Variants in FER1L6 observed in about 807,000 individuals in gnomAD.
The protein encoded by FER1L6 is fer-1-like protein 6.
Under a neutral mutation model 219.2 loss-of-function variants are expected in FER1L6, and 177 were observed. The ratio of observed to expected loss-of-function variants is 0.81; its 90% CI spans 0.71 to 0.91. FER1L6 has a LOEUF of 0.91. Ranked by LOEUF, FER1L6 falls within the 40% of genes least tolerant of loss-of-function variation. The pLI, the probability that FER1L6 is intolerant of heterozygous loss-of-function variation, is 0.00. For missense variants in FER1L6, 2,153 were observed against 2,259.9 expected (o/e 0.95, Z 0.96); for synonymous variants, 768 against 824.3 (o/e 0.93, Z 1.17).
At chr8:124,038,148 C>T (rs1819300891) in intron 19 of FER1L6, among the ~76,000 whole-genome samples, 1 of 152,136 alleles carries the variant, frequency 6.6e-6, no homozygotes, top group African/African-American at 2.4e-5. Context: ...ACATTCTTGC[C>T]CCATGTGGCC....
chr8:123,995,305 G>T (rs1817076651), intron 12 of FER1L6, among the ~76,000 whole-genome samples: 1 of 152,182 alleles, frequency 6.6e-6, no homozygotes, highest in Non-Finnish European at 1.5e-5. Flanking sequence ...TGGGGTCCTG[G>T]ACTTTTCTTT....
At chr8:123,871,737 A>C (rs1426649728) in intron 1 of FER1L6, among the ~76,000 whole-genome samples, 1 of 152,176 alleles carries the variant, frequency 6.6e-6, no homozygotes, top group African/African-American at 2.4e-5. Flanking sequence ...GCTTTCATTT[A>C]ATGAGTACAG....
intron 6 of FER1L6, among the ~76,000 whole-genome samples, chr8:123,971,846 G>A (rs1315406630): frequency 6.6e-6 from 1 of 152,164 alleles, no homozygotes; most frequent in African/African-American, 2.4e-5. Flanking sequence ...GGCATGCAGG[G>A]CTCCCAGTAC....
At chr8:123,969,406 A>T (rs1815695336) in intron 5 of FER1L6, among the ~76,000 whole-genome samples, 1 of 152,130 alleles carries the variant, frequency 6.6e-6, no homozygotes, top group South Asian at 2.1e-4. Context: ...ACCATACTGA[A>T]GTACCATTTT....
intron 6 of FER1L6, among the ~76,000 whole-genome samples, chr8:123,972,287 T>C (rs984655647): frequency 6.6e-6 from 1 of 152,250 alleles, no homozygotes; most frequent in Non-Finnish European, 1.5e-5. Context: ...AAAAAGGAGC[T>C]GTTTAGAAGC....
At chr8:123,876,149 C>T (rs1817001153) in intron 1 of FER1L6, among the ~76,000 whole-genome samples, 1 of 152,174 alleles carries the variant, frequency 6.6e-6, no homozygotes, top group South Asian at 2.1e-4. Flanking sequence ...TGCCACCCTT[C>T]CCTCTCTTTC....
intron 1 of FER1L6, among the ~76,000 whole-genome samples, chr8:123,920,396 T>C (rs140028107): frequency 6.6e-6 from 1 of 152,336 alleles, no homozygotes; most frequent in African/African-American, 2.4e-5. Flanking sequence ...CTGAGGGTCA[T>C]AGTCCAGGCC....
chr8:124,019,623 C>T (rs6982271), intron 16 of FER1L6, among the ~76,000 whole-genome samples: 3,620 of 152,272 alleles, frequency 0.024, 138 homozygotes, highest in African/African-American at 0.081. Context: ...TGAGGAATTT[C>T]TAGATTGAGT....
In FER1L6 at chr8:124,097,345, A is replaced by G. The variant is rs1221667788; in HGVS notation, c.4770A>G (p.Pro1590=). The part of the protein sequence containing the change: ...PQPGPPVDIS[P]RRPKGYELRV... ...CTGGACCTCCTGTTGACATCTCTCC[A>G]AGGCGACCCAAAGGGTATGTCAGCT... The change falls in exon 36 of 41, where the codon CCA becomes CCG. Residue 1590 remains proline (P), a synonymous_variant. Coordinates refer to ENST00000522917, the MANE Select transcript of FER1L6 (RefSeq NM_001039112.2). 6.2e-7 allele frequency: 1 copy of G among 1,612,486 alleles called. No individual in the cohort carries two copies. The highest frequency in any genetic ancestry group is 8.5e-7 in the Non-Finnish European group (1 of 1,178,910).
chr8:124,111,288 A>G lies in FER1L6; in HGVS notation c.5290-7556A>G, dbSNP rs1047546697. ...CCCTTACACCTCCTAAAGGGAAAATAAGAATTGACTTCATCTTCATGCATA... is the reference window on the plus strand; with the variant it reads ...CCCTTACACCTCCTAAAGGGAAAATGAGAATTGACTTCATCTTCATGCATA... On this transcript the variant is annotated intron_variant, in intron 39 of 40. Coordinates refer to ENST00000522917, the MANE Select transcript of FER1L6 (RefSeq NM_001039112.2). The surrounding 1 kb of genome is among the most constrained non-coding windows in gnomAD (Gnocchi z 5.0). Among the ~76,000 whole-genome samples the G allele has an allele frequency of 6.6e-6, 1 of 152,216 alleles. No homozygotes were observed. The highest frequency in any genetic ancestry group is 2.4e-5 in the African/African-American group (1 of 41,462).
Position 124,082,450 on chromosome 8 carries a change from G to A in FER1L6, c.4383G>A (p.Gln1461=), listed in dbSNP as rs779774462. The A allele has an allele frequency of 8.7e-6, 14 of 1,613,452 alleles. No homozygotes were observed. Among genetic ancestry groups the A allele is most frequent in the Non-Finnish European group, 1.2e-5 (14 of 1,179,734 alleles). ...KHRAICGLQS[Q]YEIEGYNAWR... ...GAGCCATCTGTGGCTTGCAGAGCCA[G>A]TATGAGATGTAAGTTCTTTCTCCCC... The change falls in exon 33 of 41, where the codon CAG becomes CAA. Residue 1461 remains glutamine (Q), a synonymous_variant. Coordinates refer to ENST00000522917, the MANE Select transcript of FER1L6 (RefSeq NM_001039112.2).
intron 18 of FER1L6, among the ~76,000 whole-genome samples, chr8:124,032,762 A>G (rs1167045523): frequency 6.6e-6 from 1 of 152,180 alleles, no homozygotes; most frequent in African/African-American, 2.4e-5. Flanking sequence ...AGGGGGATAA[A>G]AAGAAAAGAA....
Position 123,996,776 on chromosome 8 carries a change from G to C in FER1L6, c.1520-6391G>C, listed in dbSNP as rs188169099. On this transcript the variant is annotated intron_variant, in intron 12 of 40. Coordinates refer to ENST00000522917, the MANE Select transcript of FER1L6 (RefSeq NM_001039112.2). ...TTTAATTTCTTGCTTTTAATTTTTT[G>C]TGCATCTGTTGTATGTTTTTTGATT... Among the ~76,000 whole-genome samples the C allele has an allele frequency of 5.1e-3, 781 of 151,708 alleles. 1 individual carries two copies. The highest frequency in any genetic ancestry group is 0.01 in the Middle Eastern group (3 of 294).
chr8:123,997,295 A>C (rs1034989375), intron 12 of FER1L6, among the ~76,000 whole-genome samples: 5 of 152,118 alleles, frequency 3.3e-5, no homozygotes, highest in African/African-American at 1.2e-4. Context: ...TCTAGGATAA[A>C]AGGGTTTTTG....
chr8:123,865,482 A>G (rs1422905396), intron 1 of FER1L6, among the ~76,000 whole-genome samples: 35 of 149,878 alleles, frequency 2.3e-4, no homozygotes, highest in African/African-American at 5.3e-4. Flanking sequence ...AGGCATGCAG[A>G]CCTCCTTGAG....
chr8:124,113,332 T>C (rs1823097115), intron 39 of FER1L6, among the ~76,000 whole-genome samples: 1 of 152,198 alleles, frequency 6.6e-6, no homozygotes, highest in African/African-American at 2.4e-5. Context: ...ATATATGAAG[T>C]ATATTTGAGT....
At chr8:123,908,080 T>A (rs1812985757) in intron 1 of FER1L6, among the ~76,000 whole-genome samples, 1 of 152,134 alleles carries the variant, frequency 6.6e-6, no homozygotes, top group Non-Finnish European at 1.5e-5. Context: ...AACTGTTAGA[T>A]GCTTGAAAAA....
chr8:123,862,426 T>G (rs1250345689), intron 1 of FER1L6, among the ~76,000 whole-genome samples: 1 of 140,380 alleles, frequency 7.1e-6, no homozygotes, highest in Non-Finnish European at 1.5e-5. Context: ...TCAAGGATAT[T>G]GGTCCAAAAT....
chr8:124,009,973 G>A (rs570021283), intron 13 of FER1L6, among the ~76,000 whole-genome samples: 4 of 151,872 alleles, frequency 2.6e-5, no homozygotes, highest in African/African-American at 7.2e-5. Flanking sequence ...CAATGTTGTC[G>A]TAGTTTGAGG....
Sources: allele counts gnomAD v4.1 joint callset (sites outside exome capture counted in the v4.1 genomes callset), GRCh38; gene constraint gnomAD v4.1.1; non-coding constraint Gnocchi (gnomAD v3.1); transcripts MANE v1.5; gene names NCBI Gene and HGNC (gene_info 2026-07-23, HGNC 2026-07-21).